The following SORCS3 variants were observed in gnomAD, a reference collection of about 807,000 sequenced individuals.
SORCS3 encodes the protein VPS10 domain-containing receptor SorCS3.
Under a neutral mutation model 146.3 loss-of-function variants are expected in SORCS3, and 57 were observed. That is an observed-to-expected ratio of 0.39 (90% CI 0.31 to 0.49). The LOEUF (loss-of-function observed/expected upper bound fraction) is 0.49, where lower values mean the gene tolerates loss of function less well. SORCS3 is among the 20% of genes least tolerant of loss of function. The pLI is 0.92. For missense variants in SORCS3, 1,341 were observed against 1,575.5 expected (o/e 0.85, Z 2.52); for synonymous variants, 653 against 618.5 (o/e 1.06, Z -0.83).
chr10:104,806,491 C>G (rs577283353), intron 1 of SORCS3, among the ~76,000 whole-genome samples: 1 of 152,258 alleles, frequency 6.6e-6, no homozygotes, highest in South Asian at 2.1e-4. Context: ...AAGATGTACC[C>G]AAAGCCACAA....
At chr10:105,216,899 C>G (rs775415034) in intron 18 of SORCS3, 37 bp from the exon 19 acceptor site, 2 of 1,609,088 alleles carry the variant, frequency 1.2e-6, no homozygotes, top group African/African-American at 2.7e-5. Context: ...TCTGGCTGGA[C>G]CAAGTAAATT....
chr10:104,903,611 A>G (rs1450836164), intron 2 of SORCS3, among the ~76,000 whole-genome samples: 1 of 152,188 alleles, frequency 6.6e-6, no homozygotes, highest in Non-Finnish European at 1.5e-5. Context: ...GGGACCCAGG[A>G]GTTGTTTTGC....
At chr10:105,032,832 G>C (rs1245339815) in intron 4 of SORCS3, among the ~76,000 whole-genome samples, 2 of 152,084 alleles carry the variant, frequency 1.3e-5, no homozygotes, top group African/African-American at 2.4e-5. Context: ...AGGCAATAAA[G>C]TAGATATTAA....
intron 5 of SORCS3, among the ~76,000 whole-genome samples, chr10:105,074,841 C>T (rs2055578926): frequency 1.3e-5 from 2 of 152,148 alleles, no homozygotes; most frequent in Admixed American, 1.3e-4. Context: ...AATGCATGCC[C>T]CTAGCAGTCC....
chr10:105,203,988 C>T (rs1207988211), intron 16 of SORCS3, among the ~76,000 whole-genome samples: 2 of 152,084 alleles, frequency 1.3e-5, no homozygotes, highest in East Asian at 1.9e-4. Context: ...GATCCATTTA[C>T]TTCAGTACTG....
Position 105,200,042 on chromosome 10 carries a change from A to G in SORCS3, c.2053A>G (p.Lys685Glu). Residue 685 changes from lysine to glutamate, a missense_variant, in exon 15 of 27, where the codon AAA becomes GAA. Transcript: ENST00000369701. The stretch of plus-strand genomic sequence containing the variant: ...CCTCCGCTCCGAATGGCAATTGGTG[A>G]AAGTGGACTACAAATCTATCTTCAG... ...FSLRSEWQLV[K>E]VDYKSIFSRH... The G allele has an allele frequency of 6.2e-7, 1 of 1,613,750 alleles. No individual in the cohort carries two copies. The highest frequency in any genetic ancestry group is 8.5e-7 in the Non-Finnish European group (1 of 1,179,720).
chr10:104,804,464 G>T (rs1187834210), intron 1 of SORCS3, among the ~76,000 whole-genome samples: 1 of 152,164 alleles, frequency 6.6e-6, no homozygotes, highest in Non-Finnish European at 1.5e-5. Flanking sequence ...TTGGTAAGGT[G>T]CCCTCACTTG....
In SORCS3 at chr10:105,145,851, A is replaced by G. The variant is rs140228230; in HGVS notation, c.1303-1766A>G. 6.7e-3 allele frequency among the ~76,000 whole-genome samples: 1,017 copies of G among 152,216 alleles called. 8 individuals carry two copies. Among genetic ancestry groups the G allele is most frequent in the Non-Finnish European group, 9.7e-3 (661 of 67,982 alleles). ...CAAAGAATCTTCAATAAAAAGATCCAGAACTTGCTTTTCTACTTCTCTCAT... is the reference window on the plus strand; with the variant it reads ...CAAAGAATCTTCAATAAAAAGATCCGGAACTTGCTTTTCTACTTCTCTCAT... On this transcript the variant is annotated intron_variant, in intron 8 of 26. Transcript: ENST00000369701.
At position 104,833,630 on chromosome 10, in the gene SORCS3, G is replaced by T. The variant is rs537197973; in HGVS notation, c.628-9162G>T. Among the ~76,000 whole-genome samples the T allele has an allele frequency of 9.2e-5, 14 of 152,230 alleles. No homozygotes were observed. The South Asian group carries it at 1.9e-3, about 20-fold the overall frequency. ...AATTTCGAGAGGTCCAAACAAACTG[G>T]TTTTTCTGCCTCGTTTCACTGATCT... On this transcript the variant is annotated intron_variant, in intron 1 of 26. Coordinates refer to ENST00000369701, the MANE Select transcript of SORCS3 (RefSeq NM_014978.3).
chr10:105,250,003 A>C (rs546902856), intron 22 of SORCS3, among the ~76,000 whole-genome samples: 1 of 152,198 alleles, frequency 6.6e-6, no homozygotes, highest in South Asian at 2.1e-4. Context: ...CTTATAAACA[A>C]CAGAAGTGTA....
chr10:104,998,322 T>C (rs2055039505), intron 4 of SORCS3, among the ~76,000 whole-genome samples: 1 of 152,068 alleles, frequency 6.6e-6, no homozygotes, highest in Admixed American at 6.5e-5. Flanking sequence ...TTTCTGTACA[T>C]TGAAAATAAT....
intron 23 of SORCS3, 70 bp from the exon 24 acceptor site, chr10:105,255,632 G>A (rs1228247832): frequency 1.4e-5 from 14 of 1,026,024 alleles, no homozygotes; most frequent in Non-Finnish European, 1.7e-5. Context: ...CCTTGTCCTT[G>A]GTTTCTTACC....
At chr10:104,697,303 G>A (rs777266710) in intron 1 of SORCS3, among the ~76,000 whole-genome samples, 4 of 152,184 alleles carry the variant, frequency 2.6e-5, no homozygotes, top group Admixed American at 6.5e-5. Flanking sequence ...TGGATGCACA[G>A]TAGGTGTGGA....
intron 1 of SORCS3, among the ~76,000 whole-genome samples, chr10:104,775,291 G>A (rs1164972362): frequency 6.6e-6 from 1 of 152,232 alleles, no homozygotes; most frequent in Non-Finnish European, 1.5e-5. Context: ...AGGAATAAAT[G>A]AGAGAATGTT....
chr10:104,916,018 G>A (rs896116487), intron 3 of SORCS3, 86 bp downstream of exon 3: 3 of 972,502 alleles, frequency 3.1e-6, no homozygotes, highest in African/African-American at 1.6e-5. Flanking sequence ...AAACTCAGTT[G>A]TCATTGAATC....
intron 1 of SORCS3, among the ~76,000 whole-genome samples, chr10:104,841,018 A>G (rs2018133674): frequency 4.6e-5 from 7 of 152,214 alleles, no homozygotes; most frequent in African/African-American, 1.7e-4. Context: ...ACATGAAATA[A>G]GGTCAAATGA....
intron 2 of SORCS3, among the ~76,000 whole-genome samples, chr10:104,890,634 G>A (rs1425315712): frequency 2.6e-5 from 4 of 152,072 alleles, no homozygotes; most frequent in African/African-American, 9.7e-5. Flanking sequence ...CTGGTTTAAT[G>A]TCCTTATTTA....
chr10:105,089,680 G>A, intron 5 of SORCS3, 95 bp from the exon 6 acceptor site: 1 of 932,134 alleles, frequency 1.1e-6, no homozygotes, highest in Non-Finnish European at 1.7e-6. Context: ...TTGAGAAAAT[G>A]GATTTCTGAG....
chr10:105,090,419 A>G (rs1287328967), intron 6 of SORCS3, among the ~76,000 whole-genome samples: 1 of 152,192 alleles, frequency 6.6e-6, no homozygotes, highest in Non-Finnish European at 1.5e-5. Context: ...CCCGCTGTGT[A>G]CCTTGTTCAG....
Sources: gnomAD v4.1 joint callset for allele counts (sites outside exome capture counted in the v4.1 genomes callset) on GRCh38, gnomAD v4.1.1 for gene constraint, MANE v1.5 for transcripts, NCBI Gene and HGNC (gene_info 2026-07-23, HGNC 2026-07-21) for gene names.